EYS: variants seen among roughly 807,000 people sequenced by gnomAD.
EYS encodes the protein EGF-like photoreceptor maintenance factor, also known as protein eyes shut homolog.
EYS carries 250 observed loss-of-function variants against 282.1 expected under a neutral mutation model. The observed-to-expected ratio is 0.89, with a 90% CI of 0.80 to 0.98. EYS has a LOEUF of 0.98. EYS is among the 50% of genes least tolerant of loss of function. EYS has a pLI of 0.00. For synonymous variants in EYS, 1,355 were observed against 1,282.9 expected (o/e 1.06, Z -1.20); for missense variants, 4,016 against 3,709.0 (o/e 1.08, Z -2.15).
chr6:65,087,294 T>C (rs1774411472), intron 12 of EYS, among the ~76,000 whole-genome samples: 1 of 152,138 alleles, frequency 6.6e-6, no homozygotes, highest in Non-Finnish European at 1.5e-5. Context: ...TCATCACCTT[T>C]GGTTTGGTTT....
In EYS at chr6:64,224,277, T is replaced by C. The variant is rs1037850520; in HGVS notation, c.6424+6315A>G. On this transcript the variant is annotated intron_variant, in intron 31 of 42. Coordinates refer to ENST00000503581, the MANE Select transcript of EYS (RefSeq NM_001142800.2). Reference sequence around the variant, plus strand: ...TTTCATCCTATTTTTTGGCCTGTTGTAATTATTTCTCAATTTTTCTCCCCA... The same window carrying C: ...TTTCATCCTATTTTTTGGCCTGTTGCAATTATTTCTCAATTTTTCTCCCCA... Among the ~76,000 whole-genome samples the C allele has an allele frequency of 4.6e-5, 7 of 152,148 alleles. No homozygotes were observed. The South Asian group carries it at 6.2e-4, about 14-fold the overall frequency.
chr6:64,957,024 A>C (rs1168082172), intron 14 of EYS, among the ~76,000 whole-genome samples: 1 of 152,218 alleles, frequency 6.6e-6, no homozygotes, highest in Non-Finnish European at 1.5e-5. Flanking sequence ...AGGTTCCTCA[A>C]AAAACTAAAA....
At chr6:64,870,048 C>G (rs1332883453) in intron 19 of EYS, among the ~76,000 whole-genome samples, 2 of 151,558 alleles carry the variant, frequency 1.3e-5, no homozygotes, top group Non-Finnish European at 3.0e-5. Context: ...GGATCAGGCA[C>G]TAAATACGAG....
At chr6:64,662,821 C>T (rs1279116409) in intron 22 of EYS, among the ~76,000 whole-genome samples, 4 of 152,212 alleles carry the variant, frequency 2.6e-5, no homozygotes, top group African/African-American at 7.2e-5. Context: ...CCCAAGATCA[C>T]GCAGTTAGCA....
At chr6:64,001,577 C>T (rs920702763) in intron 33 of EYS, among the ~76,000 whole-genome samples, 3 of 151,844 alleles carry the variant, frequency 2.0e-5, no homozygotes, top group African/African-American at 4.8e-5. Context: ...AGAAGACCTG[C>T]CCAAATGGAA....
intron 35 of EYS, among the ~76,000 whole-genome samples, chr6:63,866,613 T>A (rs1772677007): frequency 6.6e-6 from 1 of 152,208 alleles, no homozygotes; most frequent in Admixed American, 6.5e-5. Flanking sequence ...TCTGCTTTCA[T>A]CAGGTGTTGT....
At chr6:64,861,382 G>A (rs925515608) in intron 19 of EYS, among the ~76,000 whole-genome samples, 4 of 152,224 alleles carry the variant, frequency 2.6e-5, no homozygotes, top group East Asian at 1.9e-4. Flanking sequence ...AAGCCAGGCA[G>A]CAGGAGCAGG....
At chr6:64,212,279 G>T (rs1206426765) in intron 31 of EYS, among the ~76,000 whole-genome samples, 1 of 151,820 alleles carries the variant, frequency 6.6e-6, no homozygotes, top group Non-Finnish European at 1.5e-5. Context: ...GATTAGGTCA[G>T]ATTTTTAAAA....
At chr6:65,433,835 T>G (rs1291852126) in intron 5 of EYS, among the ~76,000 whole-genome samples, 1 of 144,888 alleles carries the variant, frequency 6.9e-6, no homozygotes, top group Non-Finnish European at 1.6e-5. Context: ...TTTTAATCTT[T>G]CTTTTGGCCC....
At chr6:64,858,061 T>C (rs1386229033) in intron 19 of EYS, among the ~76,000 whole-genome samples, 1 of 152,172 alleles carries the variant, frequency 6.6e-6, no homozygotes, top group Non-Finnish European at 1.5e-5. Flanking sequence ...CTCTTCACTT[T>C]ATTAATTAGT....
At chr6:64,899,470 C>T (rs925524422) in intron 18 of EYS, among the ~76,000 whole-genome samples, 1 of 152,028 alleles carries the variant, frequency 6.6e-6, no homozygotes, top group Non-Finnish European at 1.5e-5. Flanking sequence ...AAAACCTCAT[C>T]GTCTCAGCCC....
In EYS at chr6:64,902,191, G is replaced by C. The variant is rs1767688634; in HGVS notation, c.2768C>G (p.Ser923Cys). ...TTCATTAATTTCAATTTCACACAGA[G>C]ATCCAGAAAACCCAGGTCTGCAAAT... The part of the protein sequence containing the change: ...RCICRPGFSG[S>C]LCEIEINECS... The change falls in exon 18 of 43, where the codon TCT (serine) becomes TGT (cysteine). Residue 923 changes from serine (S) to cysteine (C), a missense_variant. Physicochemically the swap from Ser to Cys is moderately radical, Grantham distance 112. Transcript: ENST00000503581. 7.7e-6 allele frequency: 12 copies of C among 1,550,612 alleles called. No individual in the cohort carries two copies. The highest frequency in any genetic ancestry group is 9.6e-6 in the Non-Finnish European group (11 of 1,146,414).
chr6:63,864,324 G>T lies in EYS; in HGVS notation c.7090C>A (p.Leu2364Met). 6.4e-7 allele frequency: 1 copy of T among 1,551,496 alleles called. No individual in the cohort carries two copies. Among genetic ancestry groups the T allele is most frequent in the Non-Finnish European group, 8.7e-7 (1 of 1,146,818 alleles). ...AACTGGCACAGCTTGCCTGAATACA[G>T]CCTTGGACACTCACAAAACAGATTT... ...NENLFCECPR[L>M]YSGKLCQFAS... The change falls in exon 36 of 43, where the codon CTG becomes ATG. Residue 2364 changes from leucine (L) to methionine (M), a missense_variant. Transcript: ENST00000503581.
intron 15 of EYS, among the ~76,000 whole-genome samples, chr6:64,922,857 C>A (rs894018375): frequency 1.3e-5 from 2 of 152,178 alleles, no homozygotes; most frequent in African/African-American, 4.8e-5. Context: ...GGACACAGAG[C>A]AGTGGAGATG....
chr6:65,199,166 TA>T (rs1217146429), intron 12 of EYS, among the ~76,000 whole-genome samples: 1 of 152,152 alleles, frequency 6.6e-6, no homozygotes, highest in Admixed American at 6.6e-5. Flanking sequence ...TTACTGCTGT[TA>T]AAACAATTTT....
chr6:64,718,618 A>G (rs1335396371), intron 22 of EYS, among the ~76,000 whole-genome samples: 1 of 152,176 alleles, frequency 6.6e-6, no homozygotes, highest in Admixed American at 6.5e-5. Context: ...TTTGCATAGC[A>G]CAGTACATTT....
intron 35 of EYS, among the ~76,000 whole-genome samples, chr6:63,876,472 TA>T (rs1772974599): frequency 2.6e-5 from 4 of 152,376 alleles, no homozygotes; most frequent in African/African-American, 9.6e-5. Context: ...GAGAGTTCTG[TA>T]AATGTCTATT....
chr6:64,127,599 G>T (rs1412126086), intron 31 of EYS, among the ~76,000 whole-genome samples: 2 of 151,990 alleles, frequency 1.3e-5, no homozygotes, highest in Admixed American at 1.3e-4. Context: ...CACTTGTCTT[G>T]ATGTAAAGTA....
intron 22 of EYS, among the ~76,000 whole-genome samples, chr6:64,728,140 T>G (rs938201484): frequency 2.6e-5 from 4 of 152,098 alleles, no homozygotes; most frequent in Non-Finnish European, 4.4e-5. Context: ...CAAGTGCTTT[T>G]GGGCATTGGC....
Sources: gnomAD v4.1 joint callset for allele counts (sites outside exome capture counted in the v4.1 genomes callset) on GRCh38, gnomAD v4.1.1 for gene constraint, MANE v1.5 for transcripts, NCBI Gene and HGNC (gene_info 2026-07-23, HGNC 2026-07-21) for gene names.